Variants in CHCHD6 observed in about 807,000 individuals in gnomAD.
CHCHD6 encodes MICOS complex subunit MIC25.
CHCHD6 carries 28 observed loss-of-function variants against 32.3 expected under a neutral mutation model. That is an observed-to-expected ratio of 0.87 (90% confidence interval 0.64 to 1.19). CHCHD6 has a LOEUF of 1.19. Ranked by LOEUF, CHCHD6 falls within the 50% of genes most tolerant of loss-of-function variation. The pLI, the probability that CHCHD6 is intolerant of heterozygous loss-of-function variation, is 0.00. For missense variants in CHCHD6, 333 were observed against 307.0 expected, an observed-to-expected ratio of 1.08 and a Z score of -0.63; for synonymous variants, 122 against 117.5, an observed-to-expected ratio of 1.04 and a Z score of -0.25.
intron 4 of CHCHD6, among the ~76,000 whole-genome samples, chr3:126,772,909 G>C (rs918113009): frequency 2.0e-5 from 3 of 152,166 alleles, no homozygotes; most frequent in African/African-American, 7.2e-5. Context: ...AGGACCTCTG[G>C]TAAGGCAGTT....
At chr3:126,718,853 A>G (rs1326223629) in intron 1 of CHCHD6, among the ~76,000 whole-genome samples, 2 of 152,204 alleles carry the variant, frequency 1.3e-5, no homozygotes, top group African/African-American at 2.4e-5. Context: ...TTATTCTCAC[A>G]TGACTGCTGT....
chr3:126,944,998 A>C (rs1006322282), intron 6 of CHCHD6, among the ~76,000 whole-genome samples: 5 of 152,178 alleles, frequency 3.3e-5, no homozygotes, highest in African/African-American at 4.8e-5. Flanking sequence ...GAGTCTGGTC[A>C]CCATGGGATG....
intron 5 of CHCHD6, among the ~76,000 whole-genome samples, chr3:126,892,500 A>G (rs1200112412): frequency 6.6e-6 from 1 of 152,118 alleles, no homozygotes; most frequent in East Asian, 1.9e-4. Flanking sequence ...TACAACCCTG[A>G]GACTTAGAGC....
intron 4 of CHCHD6, among the ~76,000 whole-genome samples, chr3:126,734,630 T>A (rs1362475178): frequency 6.6e-6 from 1 of 152,180 alleles, no homozygotes; most frequent in Non-Finnish European, 1.5e-5. Flanking sequence ...GAAGACAAAC[T>A]AAGAACTTTG....
intron 5 of CHCHD6, among the ~76,000 whole-genome samples, chr3:126,862,319 C>A (rs1214140780): frequency 7.2e-6 from 1 of 139,814 alleles, no homozygotes; most frequent in Non-Finnish European, 1.6e-5. Context: ...ATCATCACCT[C>A]CTCCTCCTCC....
chr3:126,916,657 C>G (rs2078175681), intron 6 of CHCHD6, among the ~76,000 whole-genome samples: 1 of 152,224 alleles, frequency 6.6e-6, no homozygotes, highest in Non-Finnish European at 1.5e-5. Flanking sequence ...ACACCCTGCC[C>G]CCACTGGTGG....
chr3:126,836,201 A>G (rs1481709863), intron 4 of CHCHD6, among the ~76,000 whole-genome samples: 2 of 152,194 alleles, frequency 1.3e-5, no homozygotes, highest in African/African-American at 2.4e-5. Context: ...CCTGTTTTTC[A>G]TGCTGCGTCT....
In CHCHD6 at chr3:126,780,425, C is replaced by T. The variant is rs534430665; in HGVS notation, c.411+47203C>T. 5.7e-4 allele frequency: 215 copies of T among 375,962 alleles called. 1 individual carries two copies. Among genetic ancestry groups the T allele is most frequent in the South Asian group, 3.6e-4 (17 of 46,584 alleles). The allele number at this position is 375,962 out of a possible 1,614,324, so 23.3% of individuals were successfully genotyped here. A position where few individuals can be genotyped will look rare whatever the true frequency, so the allele number is the denominator to read the frequency against. On this transcript the variant is annotated intron_variant, in intron 4 of 7. Transcript: ENST00000290913. ...AATCTTCCAGCCGCCTGGCTCCCTG[C>T]CTTGGGTAAGAGTTGTTATTGATTT...
Position 126,765,370 on chromosome 3 carries a change from G to C in CHCHD6, c.411+32148G>C, listed in dbSNP as rs1937326771. ...GGCACCTCATTACTCACTCAGCACA[G>C]CGAGCTCGGGCACAGGCACTTGACG... On this transcript the variant is annotated intron_variant, in intron 4 of 7. Transcript: ENST00000290913. Among the ~76,000 whole-genome samples the C allele has an allele frequency of 3.9e-5, 6 of 152,306 alleles. No homozygotes were observed. In the South Asian group the frequency reaches 1.2e-3, roughly 32 times the overall value.
chr3:126,846,107 C>T (rs80329808), intron 4 of CHCHD6, among the ~76,000 whole-genome samples: 77 of 152,252 alleles, frequency 5.1e-4, no homozygotes, highest in African/African-American at 1.8e-3. Context: ...CTGCCAGCCA[C>T]CAGAAGGGGC....
chr3:126,763,907 ATTTTGGATG>A (rs1223525851), intron 4 of CHCHD6, among the ~76,000 whole-genome samples: 1 of 152,144 alleles, frequency 6.6e-6, no homozygotes, highest in Non-Finnish European at 1.5e-5. Context: ...GTTACTCAGC[ATTTTGGATG>A]TACATAATGC....
At chr3:126,789,767 A>T (rs371447694) in intron 4 of CHCHD6, among the ~76,000 whole-genome samples, 7 of 151,844 alleles carry the variant, frequency 4.6e-5, no homozygotes, top group Admixed American at 3.3e-4. Flanking sequence ...ATGGGTCTTG[A>T]CTCTTTATCC....
chr3:126,957,050 C>A, intron 6 of CHCHD6: 1 of 304,990 alleles, frequency 3.3e-6, no homozygotes, highest in South Asian at 4.4e-5. Context: ...CTGGGCACAG[C>A]GGGGCGGGTT....
chr3:126,926,204 GC>G (rs1479116808), intron 6 of CHCHD6, among the ~76,000 whole-genome samples: 1 of 152,216 alleles, frequency 6.6e-6, no homozygotes, highest in Non-Finnish European at 1.5e-5. Context: ...AACCTGGGAG[GC>G]CCAGGGACAA....
intron 3 of CHCHD6, among the ~76,000 whole-genome samples, chr3:126,732,078 CAA>C (rs57722271): frequency 1.0e-3 from 76 of 75,844 alleles, no homozygotes; most frequent in Admixed American, 1.4e-3. Context: ...GACCCAAAAC[CAA>C]AAAAAAAAAA....
chr3:126,719,090 A>G (rs1293267012), intron 1 of CHCHD6, among the ~76,000 whole-genome samples: 3 of 152,128 alleles, frequency 2.0e-5, no homozygotes, highest in Admixed American at 1.3e-4. Context: ...TCGTGCCCTC[A>G]GATCAGATGT....
Position 126,722,970 on chromosome 3 carries a change from T to G in CHCHD6, c.88-4108T>G, listed in dbSNP as rs553158039. ...TTTAGGTCTCGGATCTGTTTTGTAT[T>G]AATTCTTGTATATGGTGTAAGGTAG... On this transcript the variant is annotated intron_variant, in intron 1 of 7. Transcript: ENST00000290913. 2.0e-5 allele frequency among the ~76,000 whole-genome samples: 3 copies of G among 152,134 alleles called. No individual in the cohort carries two copies. The South Asian group carries it at 6.2e-4, about 32-fold the overall frequency.
At chr3:126,906,392 C>A (rs2078006141) in intron 5 of CHCHD6, among the ~76,000 whole-genome samples, 1 of 152,212 alleles carries the variant, frequency 6.6e-6, no homozygotes, top group Non-Finnish European at 1.5e-5. Context: ...GGGTCCTTTC[C>A]CTGATTAAGC....
At chr3:126,905,931 G>A (rs1030137483) in intron 5 of CHCHD6, among the ~76,000 whole-genome samples, 3 of 152,104 alleles carry the variant, frequency 2.0e-5, no homozygotes, top group African/African-American at 7.2e-5. Context: ...AAGAGACGAG[G>A]GCATGTAACA....
Sources: gnomAD v4.1 joint callset for allele counts (sites outside exome capture counted in the v4.1 genomes callset) on GRCh38, gnomAD v4.1.1 for gene constraint, MANE v1.5 for transcripts, NCBI Gene and HGNC (gene_info 2026-07-23, HGNC 2026-07-21) for gene names.